Variants in SDK1 observed in about 807,000 individuals in gnomAD.
The protein encoded by SDK1 is protein sidekick-1.
A neutral mutation model predicts 245.5 loss-of-function variants in SDK1; 157 were observed. The observed-to-expected ratio is 0.64, with a 90% CI of 0.56 to 0.73. The LOEUF (loss-of-function observed/expected upper bound fraction) is 0.73. Ranked by LOEUF, SDK1 falls within the 30% of genes least tolerant of loss-of-function variation. SDK1 has a pLI of 0.00. For missense variants in SDK1, 3,583 were observed against 3,002.3 expected (o/e 1.19, Z -4.52); for synonymous variants, 1,647 against 1,278.5 (o/e 1.29, Z -6.15).
intron 1 of SDK1, among the ~76,000 whole-genome samples, chr7:3,520,973 C>A (rs1166070786): frequency 6.6e-6 from 1 of 152,158 alleles, no homozygotes; most frequent in Admixed American, 6.5e-5. Context: ...AAGCCTCTGC[C>A]CTCTCACAAG....
At chr7:4,185,622 C>A (rs1395957592) in intron 35 of SDK1, among the ~76,000 whole-genome samples, 1 of 152,198 alleles carries the variant, frequency 6.6e-6, no homozygotes, top group Admixed American at 6.5e-5. Flanking sequence ...GGGCAGCTGT[C>A]TTCTCTTTCC....
chr7:3,329,524 C>G (rs1562417784), intron 1 of SDK1, among the ~76,000 whole-genome samples: 1 of 152,154 alleles, frequency 6.6e-6, no homozygotes, highest in Non-Finnish European at 1.5e-5. Flanking sequence ...TAGCTATAAT[C>G]ACGCCACATC....
intron 5 of SDK1, among the ~76,000 whole-genome samples, chr7:3,884,956 G>A (rs541113728): frequency 4.6e-5 from 7 of 152,172 alleles, no homozygotes; most frequent in Non-Finnish European, 1.0e-4. Flanking sequence ...ACTCCAGAGC[G>A]GTGCTGCGCA....
At position 3,540,778 on chromosome 7, in the gene SDK1, T is replaced by C. The variant is rs1485860834; in HGVS notation, c.299-78302T>C. Among the ~76,000 whole-genome samples, 5 of 152,320 alleles carry C rather than the reference T, an allele frequency of 3.3e-5. No homozygotes were observed. In the South Asian group the frequency reaches 6.2e-4, roughly 19 times the overall value. ...GGCAAGAAAAGAGTCCAAGATCATA[T>C]AAATTTTTATGTTGAAAGCCATCAT... On this transcript the variant is annotated intron_variant, in intron 1 of 44. Transcript: ENST00000404826.
chr7:3,840,017 G>T (rs1780118018), intron 5 of SDK1, among the ~76,000 whole-genome samples: 1 of 152,144 alleles, frequency 6.6e-6, no homozygotes, highest in African/African-American at 2.4e-5. Flanking sequence ...GTCATTGGTA[G>T]GTATCAAATC....
intron 28 of SDK1, among the ~76,000 whole-genome samples, chr7:4,132,957 T>C (rs1784938915): frequency 6.6e-6 from 1 of 152,240 alleles, no homozygotes; most frequent in South Asian, 2.1e-4. Flanking sequence ...TGGAATTTCT[T>C]CCATTCGTTT....
At chr7:4,068,143 G>C (rs913574089) in intron 20 of SDK1, among the ~76,000 whole-genome samples, 2 of 152,172 alleles carry the variant, frequency 1.3e-5, no homozygotes, top group Non-Finnish European at 2.9e-5. Flanking sequence ...GCCCTTTACT[G>C]TGTGGGCAGC....
chr7:3,522,260 G>A (rs958186456), intron 1 of SDK1, among the ~76,000 whole-genome samples: 1 of 152,022 alleles, frequency 6.6e-6, no homozygotes, highest in African/African-American at 2.4e-5. Context: ...AACTCCTTCA[G>A]GACAGAGAGA....
intron 1 of SDK1, among the ~76,000 whole-genome samples, chr7:3,494,685 CAG>C (rs1428079014): frequency 6.6e-6 from 1 of 152,164 alleles, no homozygotes; most frequent in Non-Finnish European, 1.5e-5. Flanking sequence ...TTAAAGAAGT[CAG>C]AGAATATATT....
chr7:3,964,040 T>A (rs1781909238), intron 9 of SDK1, among the ~76,000 whole-genome samples: 2 of 152,268 alleles, frequency 1.3e-5, no homozygotes, highest in Non-Finnish European at 2.9e-5. Context: ...GCTACCTGGA[T>A]GTATCCAGTG....
intron 1 of SDK1, among the ~76,000 whole-genome samples, chr7:3,526,411 T>C (rs1447632692): frequency 6.6e-6 from 1 of 152,216 alleles, no homozygotes; most frequent in Non-Finnish European, 1.5e-5. Flanking sequence ...TGATATATTA[T>C]AACTTCCATT....
intron 32 of SDK1, among the ~76,000 whole-genome samples, chr7:4,174,002 A>G (rs983136623): frequency 2.6e-5 from 4 of 152,208 alleles, no homozygotes; most frequent in Non-Finnish European, 4.4e-5. Flanking sequence ...GTCCCCACAC[A>G]CATGCACATG....
chr7:3,924,225 T>C (rs1221714544), intron 5 of SDK1, among the ~76,000 whole-genome samples: 1 of 151,946 alleles, frequency 6.6e-6, no homozygotes, highest in Non-Finnish European at 1.5e-5. Flanking sequence ...ATTTCTGAGA[T>C]CCAGTGGATC....
intron 1 of SDK1, among the ~76,000 whole-genome samples, chr7:3,346,720 T>A (rs1780509225): frequency 7.6e-6 from 1 of 131,944 alleles, no homozygotes; most frequent in South Asian, 2.5e-4. Context: ...TGTGTATATA[T>A]GTATACATAT....
chr7:3,451,947 T>C lies in SDK1; in HGVS notation c.298+150063T>C, dbSNP rs147931620. Among the ~76,000 whole-genome samples, 811 of 152,318 alleles carry C rather than the reference T, an allele frequency of 5.3e-3. 7 individuals carry two copies. Among genetic ancestry groups the C allele is most frequent in the African/African-American group, 0.019 (772 of 41,556 alleles). ...CATAGCACGCAGGCTTCTCTCCTTA[T>C]GAGCTCTGACTCCAATATTGACTCT... On this transcript the variant is annotated intron_variant, in intron 1 of 44. Coordinates refer to ENST00000404826, the MANE Select transcript of SDK1 (RefSeq NM_152744.4).
intron 2 of SDK1, among the ~76,000 whole-genome samples, chr7:3,620,564 G>C (rs1347738363): frequency 6.6e-6 from 1 of 152,132 alleles, no homozygotes. Flanking sequence ...TGGCCTGCCA[G>C]ATTGCTGGGA....
At chr7:3,443,831 A>G (rs1780266086) in intron 1 of SDK1, among the ~76,000 whole-genome samples, 1 of 152,222 alleles carries the variant, frequency 6.6e-6, no homozygotes, top group Non-Finnish European at 1.5e-5. Flanking sequence ...TGATATCACC[A>G]TTGGAAGTTG....
chr7:4,203,472 C>T (rs1784008650), intron 35 of SDK1, among the ~76,000 whole-genome samples: 3 of 151,950 alleles, frequency 2.0e-5, no homozygotes, highest in African/African-American at 7.3e-5. Context: ...TCCCTAGCAG[C>T]AGACGCCAGC....
chr7:3,433,710 A>G (rs7801995), intron 1 of SDK1, among the ~76,000 whole-genome samples: 26,606 of 152,124 alleles, frequency 0.17, 2,329 homozygotes, highest in South Asian at 0.22. Flanking sequence ...TTCCAGCTCA[A>G]TTGATTCAGA....
Sources: gnomAD v4.1 joint callset for allele counts (sites outside exome capture counted in the v4.1 genomes callset) on GRCh38, gnomAD v4.1.1 for gene constraint, MANE v1.5 for transcripts, NCBI Gene and HGNC (gene_info 2026-07-23, HGNC 2026-07-21) for gene names.